The following VPS13A variants were observed in gnomAD, a reference collection of about 807,000 sequenced individuals.
The protein encoded by VPS13A is vacuolar protein sorting 13 homolog A, also known as intermembrane lipid transfer protein VPS13A.
A neutral mutation model predicts 390.9 loss-of-function variants in VPS13A; 264 were observed. The observed-to-expected ratio is 0.68, with a 90% CI of 0.61 to 0.75. The LOEUF is 0.75. Among genes scored for constraint, VPS13A ranks in the 30% least tolerant of loss-of-function variants. The probability of loss-of-function intolerance (pLI) is 0.00; values close to 1 mark genes in which losing one functional copy is unlikely to be tolerated. For synonymous variants in VPS13A, 1,231 were observed against 1,227.1 expected (o/e 1.00, Z -0.07); for missense variants, 3,409 against 3,733.9 (o/e 0.91, Z 2.27).
At position 77,282,151 on chromosome 9, in the gene VPS13A, C is replaced by T; in HGVS notation, c.2995C>T (p.His999Tyr). The T allele has an allele frequency of 6.2e-7, 1 of 1,613,056 alleles. No individual in the cohort carries two copies. Among genetic ancestry groups the T allele is most frequent in the Non-Finnish European group, 8.5e-7 (1 of 1,179,552 alleles). Residue 999 changes from histidine (H) to tyrosine (Y), a missense_variant, in exon 29 of 72, where the codon CAC (histidine) becomes TAC (tyrosine). By Grantham distance (83) the His-to-Tyr change is moderately conservative. Coordinates refer to ENST00000360280, the MANE Select transcript of VPS13A (RefSeq NM_033305.3). The part of the protein sequence containing the change: ...VNFSSLDIHL[H>Y]TEALLNTINY... The stretch of plus-strand genomic sequence containing the variant: ...TTTTTCCTCTTTGGATATTCATTTA[C>T]ACACTGAAGCACTTCTGAATACAAT...
In VPS13A at chr9:77,339,768, T is replaced by G. The variant is rs775390760; in HGVS notation, c.6631T>G (p.Phe2211Val). 1.2e-6 allele frequency: 2 copies of G among 1,614,140 alleles called. No individual in the cohort carries two copies. The highest frequency in any genetic ancestry group is 2.2e-5 in the South Asian group (2 of 91,086). Residue 2211 changes from phenylalanine (F) to valine (V), a missense_variant, in exon 48 of 72, where the codon TTT becomes GTT. Phe to Val is a conservative substitution (Grantham distance 50). This residue lies in a region of VPS13A where 2,717 missense variants were observed against 2,917.4 expected (regional missense o/e 0.93). Transcript: ENST00000360280. ...CAATACTGGTCAGACAGTTGTGGCA[T>G]TTCATAGTCCTTATTGGATGGTCAA... ...TYNTGQTVVA[F>V]HSPYWMVNKT...
intron 7 of VPS13A, among the ~76,000 whole-genome samples, chr9:77,212,675 TAAGTTAAATGAGTTATGAGTTTTAG>T (rs1826036007): frequency 6.6e-6 from 1 of 152,176 alleles, no homozygotes. Flanking sequence ...CATTCTTTTA[TAAGTTAAATGAGTTATGAGTTTTAG>T]AAGTTAAATG....
At position 77,317,606 on chromosome 9, in the gene VPS13A, GT is replaced by G; in HGVS notation, c.4868del (p.Leu1623CysfsTer19). On this transcript the variant is annotated frameshift_variant and splice_region_variant, in exon 40 of 72. Coordinates refer to ENST00000360280, the MANE Select transcript of VPS13A (RefSeq NM_033305.3). LOFTEE classifies it high-confidence loss of function. ...PVKRKGKITT[V>X]LQPCDLFYQT... The stretch of plus-strand genomic sequence containing the variant: ...AGTGGTATTGATTTTTCTCTCATAG[GT>G]TTTGCAGCCCTGTGACTTGTTTTAT... 1 of 1,597,100 alleles carries G rather than the reference GT, an allele frequency of 6.3e-7. No homozygotes were observed. Among genetic ancestry groups the G allele is most frequent in the South Asian group, 1.1e-5 (1 of 87,916 alleles).
Position 77,313,972 on chromosome 9 carries a change from ATAACTT to A in VPS13A, c.4115-16_4115-11del. On this transcript the variant is annotated splice_polypyrimidine_tract_variant and intron_variant, in intron 35 of 71. Coordinates refer to ENST00000360280, the MANE Select transcript of VPS13A (RefSeq NM_033305.3). ...TTTTCATGATATTTTCTTTTATTAAATAACTTTAATTTTTTCAAGGAGCAACTGTGG... is the reference window on the plus strand; with the variant it reads ...TTTTCATGATATTTTCTTTTATTAAATAATTTTTTCAAGGAGCAACTGTGG... 1 of 1,603,836 alleles carries A rather than the reference ATAACTT, an allele frequency of 6.2e-7. No individual in the cohort carries two copies. The highest frequency in any genetic ancestry group is 2.3e-5 in the East Asian group (1 of 44,042).
rs1000554473 is a variant in VPS13A, at chr9:77,316,118, T to C, written c.4631-56T>C. 3.2e-6 allele frequency: 3 copies of C among 940,718 alleles called. No individual in the cohort carries two copies. In the African/African-American group the frequency reaches 5.2e-5, roughly 16 times the overall value. The allele number at this position is 940,718 out of a possible 1,614,324, so 58.3% of individuals were successfully genotyped here. A position where few individuals can be genotyped will look rare whatever the true frequency, so the allele number is the denominator to read the frequency against. The stretch of plus-strand genomic sequence containing the variant: ...TTTCATTTTAATATTTTCTTATAAA[T>C]AATAAATTATTCATAATATATAGCA... On this transcript the variant is annotated intron_variant, in intron 38 of 71. Transcript: ENST00000360280.
At chr9:77,252,426 T>G in intron 22 of VPS13A, 74 bp downstream of exon 22, 1 of 1,172,452 alleles carries the variant, frequency 8.5e-7, no homozygotes, top group Admixed American at 1.7e-5. Context: ...CATACTTAAC[T>G]GACTCTTCCT....
chr9:77,261,401 A>T (rs1017791020), intron 23 of VPS13A, among the ~76,000 whole-genome samples: 25 of 151,954 alleles, frequency 1.6e-4, no homozygotes, highest in South Asian at 1.2e-3. Context: ...TTTGATGGAT[A>T]TTCACATTAT....
chr9:77,181,931 C>T (rs1420453748), intron 1 of VPS13A, among the ~76,000 whole-genome samples: 1 of 152,170 alleles, frequency 6.6e-6, no homozygotes, highest in Non-Finnish European at 1.5e-5. Flanking sequence ...GAGCTTCATT[C>T]CAGGACTGAC....
rs769671775 is a variant in VPS13A, at chr9:77,252,377, A to T, written c.2288+25A>T. On this transcript the variant is annotated intron_variant, in intron 22 of 71. Transcript: ENST00000360280. ...AGTATGTACTGTTTGTTTCATGTGA[A>T]TATGGATTTTCTGGGTAATTCTGTA... The T allele has an allele frequency of 1.9e-6, 3 of 1,563,282 alleles. No individual in the cohort carries two copies. In the African/African-American group the frequency reaches 4.1e-5, roughly 21 times the overall value.
chr9:77,372,821 A>G (rs1369192285), intron 67 of VPS13A, among the ~76,000 whole-genome samples: 1 of 152,190 alleles, frequency 6.6e-6, no homozygotes, highest in Admixed American at 6.5e-5. Flanking sequence ...AAAAATCACA[A>G]GCATTCTTAT....
intron 7 of VPS13A, among the ~76,000 whole-genome samples, chr9:77,212,332 C>T (rs1220313783): frequency 6.6e-6 from 1 of 152,088 alleles, no homozygotes; most frequent in Non-Finnish European, 1.5e-5. Flanking sequence ...CCTGAATGTG[C>T]CATATATTTG....
chr9:77,226,208 A>G (rs1225405539), intron 14 of VPS13A, among the ~76,000 whole-genome samples: 2 of 152,152 alleles, frequency 1.3e-5, no homozygotes, highest in East Asian at 3.9e-4. Context: ...GGGCTTTTCA[A>G]ATATTCAGTT....
rs1825505966 is a variant in VPS13A at position 77,204,281 on chromosome 9, A to G, written c.188-1032A>G. On this transcript the variant is annotated intron_variant, in intron 3 of 71. Coordinates refer to ENST00000360280, the MANE Select transcript of VPS13A (RefSeq NM_033305.3). ...CATACCATTTAAACAATTCTAAAATATTTTAAAACTCTCTATTACGAAAAT... is the reference window on the plus strand; with the variant it reads ...CATACCATTTAAACAATTCTAAAATGTTTTAAAACTCTCTATTACGAAAAT... Among the ~76,000 whole-genome samples the G allele has an allele frequency of 1.3e-5, 2 of 152,120 alleles. 1 individual carries two copies. Among genetic ancestry groups the G allele is most frequent in the South Asian group, 4.1e-4 (2 of 4,834 alleles).
At chr9:77,269,116 G>C (rs961381980) in intron 23 of VPS13A, among the ~76,000 whole-genome samples, 3 of 151,990 alleles carry the variant, frequency 2.0e-5, no homozygotes, top group African/African-American at 7.2e-5. Flanking sequence ...TAGATATTGA[G>C]CTTTTTGTAT....
rs561618519 is a variant in VPS13A at position 77,365,830 on chromosome 9, C to G, written c.8325+257C>G. Among the ~76,000 whole-genome samples, 5 of 152,070 alleles carry G rather than the reference C, an allele frequency of 3.3e-5. No individual in the cohort carries two copies. In the East Asian group the frequency reaches 9.6e-4, roughly 29 times the overall value. On this transcript the variant is annotated intron_variant, in intron 60 of 71. Transcript: ENST00000360280. ...GATTTTCTGTTAAGCTGTTAGGTGA[C>G]AATTTTCAAAATTTTGCATATGATG... is the stretch of plus-strand genomic sequence containing the variant.
chr9:77,291,133 C>T (rs1273726178), intron 31 of VPS13A, among the ~76,000 whole-genome samples: 3 of 152,164 alleles, frequency 2.0e-5, no homozygotes, highest in African/African-American at 7.2e-5. Flanking sequence ...GCATTATTGC[C>T]TGAGCTCCGC....
intron 1 of VPS13A, among the ~76,000 whole-genome samples, chr9:77,190,735 T>G (rs1050712417): frequency 1.3e-5 from 2 of 152,204 alleles, no homozygotes; most frequent in African/African-American, 4.8e-5. Context: ...GGTAGACTTT[T>G]TATACAATTT....
At chr9:77,375,963 A>G (rs890252885) in intron 67 of VPS13A, among the ~76,000 whole-genome samples, 2 of 152,326 alleles carry the variant, frequency 1.3e-5, no homozygotes, top group Non-Finnish European at 2.9e-5. Context: ...GAAAAATGCC[A>G]TGAAGAAAAA....
chr9:77,356,954 G>T (rs558666992), intron 55 of VPS13A, 87 bp downstream of exon 55: 4 of 1,473,794 alleles, frequency 2.7e-6, no homozygotes, highest in African/African-American at 1.4e-5. Context: ...GGAAAGTTTG[G>T]CTTCCTTATA....
Sources: allele counts gnomAD v4.1 joint callset (sites outside exome capture counted in the v4.1 genomes callset), GRCh38; gene constraint gnomAD v4.1.1; regional missense constraint gnomAD v4.1.1; transcripts MANE v1.5; gene names NCBI Gene and HGNC (gene_info 2026-07-23, HGNC 2026-07-21).